The following CASK variants were observed in gnomAD, a reference collection of about 807,000 sequenced individuals.
CASK encodes the protein calcium/calmodulin dependent serine protein kinase.
A neutral mutation model predicts 82.9 loss-of-function variants in CASK; 4 were observed. The observed-to-expected ratio is 0.05, with a 90% CI of 0.02 to 0.11. CASK has a LOEUF of 0.11. Among genes scored for constraint, CASK ranks in the 10% least tolerant of loss-of-function variants. The pLI, the probability that CASK is intolerant of heterozygous loss-of-function variation, is 1.00. For synonymous variants in CASK, 259 were observed against 253.5 expected, an observed-to-expected ratio of 1.02 and a Z score of -0.20; for missense variants, 358 against 720.9, an observed-to-expected ratio of 0.50 and a Z score of 5.76.
chrX:41,877,275 A>C (rs1213538455), intron 1 of CASK, among the ~76,000 whole-genome samples: 1 of 111,266 alleles, frequency 9.0e-6, no homozygotes, highest in African/African-American at 3.3e-5. Context: ...ATTAGTTCCA[A>C]CTCTCTGGGG....
At chrX:41,894,779 C>T (rs777152867) in intron 1 of CASK, among the ~76,000 whole-genome samples, 40 of 110,900 alleles carry the variant, frequency 3.6e-4, no homozygotes, top group African/African-American at 1.2e-3. Context: ...GATGCTGGTG[C>T]TTAGATCGAA....
At chrX:41,804,720 C>A (rs938559259) in intron 2 of CASK, among the ~76,000 whole-genome samples, 1 of 111,682 alleles carries the variant, frequency 9.0e-6, no homozygotes, top group African/African-American at 3.3e-5. Context: ...ATAAAGCTCC[C>A]TGTCGAGGGT....
At chrX:41,546,369 A>G (rs1272962513) in intron 21 of CASK, among the ~76,000 whole-genome samples, 1 of 110,994 alleles carries the variant, frequency 9.0e-6, no homozygotes, top group African/African-American at 3.3e-5. Flanking sequence ...CTTGGCCTCC[A>G]AAAGTACTGG....
intron 3 of CASK, among the ~76,000 whole-genome samples, chrX:41,746,967 T>C (rs1469364785): frequency 9.0e-6 from 1 of 111,634 alleles, no homozygotes; most frequent in Non-Finnish European, 1.9e-5. Flanking sequence ...AAGGAACAAA[T>C]GCACATCTTT....
intron 12 of CASK, among the ~76,000 whole-genome samples, chrX:41,592,550 C>T (rs181199810): frequency 2.7e-5 from 3 of 111,095 alleles, no homozygotes; most frequent in East Asian, 2.8e-4. Flanking sequence ...TTCTTAAGAA[C>T]GTGTGGCCGA....
At chrX:41,829,796 G>A (rs5918256) in intron 2 of CASK, among the ~76,000 whole-genome samples, 10,613 of 67,246 alleles carry the variant, frequency 0.16, 1,136 homozygotes, top group Middle Eastern at 0.35. Flanking sequence ...TTATCAAAGT[G>A]GTTAAACTAA....
At position 41,539,163 on chromosome X, in the gene CASK, G is replaced by A. The variant is rs191545558; in HGVS notation, c.2155+3528C>T. ...AATTTACTTATGGGTCAAATTCAGC[G>A]AATAGGCTGTCACTTTATGATGGGA... On this transcript the variant is annotated intron_variant, in intron 22 of 26. Transcript: ENST00000378163. Among the ~76,000 whole-genome samples, 500 of 112,080 alleles carry A rather than the reference G, an allele frequency of 4.5e-3. 4 individuals carry two copies. Among genetic ancestry groups the A allele is most frequent in the African/African-American group, 0.016 (482 of 30,893 alleles).
intron 3 of CASK, chrX:41,786,889 T>C: frequency 3.4e-6 from 1 of 291,570 alleles, no homozygotes; most frequent in South Asian, 4.4e-5. Flanking sequence ...CTTCTACTGG[T>C]CAGAAGTTTA....
chrX:41,881,855 G>A (rs1220929776), intron 1 of CASK, among the ~76,000 whole-genome samples: 1 of 111,369 alleles, frequency 9.0e-6, no homozygotes, highest in Non-Finnish European at 1.9e-5. Flanking sequence ...ATTATAGCAA[G>A]GTAGCTACAC....
At chrX:41,776,931 T>C (rs781647720) in intron 3 of CASK, among the ~76,000 whole-genome samples, 1 of 111,952 alleles carries the variant, frequency 8.9e-6, no homozygotes, top group African/African-American at 3.2e-5. Flanking sequence ...TTGGTGGAAA[T>C]TGACAACCTC....
chrX:41,632,573 A>C (rs2066487604), intron 9 of CASK, among the ~76,000 whole-genome samples: 1 of 111,747 alleles, frequency 8.9e-6, no homozygotes, highest in African/African-American at 3.3e-5. Flanking sequence ...TTTTTATTTA[A>C]TATTAATTTA....
intron 5 of CASK, among the ~76,000 whole-genome samples, chrX:41,704,402 A>G (rs374893694): frequency 8.9e-6 from 1 of 111,997 alleles, no homozygotes; most frequent in East Asian, 2.8e-4. Flanking sequence ...TGAAAATAGA[A>G]ATGTTTTCTA....
At chrX:41,807,909 G>C (rs946249916) in intron 2 of CASK, among the ~76,000 whole-genome samples, 1 of 111,830 alleles carries the variant, frequency 8.9e-6, no homozygotes, top group Non-Finnish European at 1.9e-5. Flanking sequence ...AGGCTGGAGT[G>C]CAGTGGCATG....
At chrX:41,899,277 C>T (rs1181936840) in intron 1 of CASK, among the ~76,000 whole-genome samples, 1 of 111,315 alleles carries the variant, frequency 9.0e-6, no homozygotes, top group African/African-American at 3.3e-5. Flanking sequence ...TATCTTTTTC[C>T]ACTTCACTTC....
chrX:41,578,221 T>C, intron 15 of CASK, 119 bp downstream of exon 15: 1 of 502,981 alleles, frequency 2.0e-6, no homozygotes, highest in Non-Finnish European at 3.4e-6. Flanking sequence ...AACTGATTTC[T>C]TTAAAACTAT....
intron 1 of CASK, among the ~76,000 whole-genome samples, chrX:41,887,018 T>C (rs764806784): frequency 1.8e-5 from 2 of 110,733 alleles, no homozygotes; most frequent in South Asian, 7.7e-4. Flanking sequence ...TCAAAATATA[T>C]TGCATACTCT....
At chrX:41,539,317 C>T (rs772383353) in intron 22 of CASK, among the ~76,000 whole-genome samples, 15 of 112,090 alleles carry the variant, frequency 1.3e-4, no homozygotes, top group Admixed American at 1.3e-3. Context: ...AATTCCCAAC[C>T]TTCATTTGTA....
In CASK at chrX:41,613,250, A is replaced by G. The variant is rs531176493; in HGVS notation, c.1034-3225T>C. ...TGGTTGCCGTGTCTGTGTAGAAAGAAGTAGACATGGGAGACTTTTCATTTT... is the reference window on the plus strand; with the variant it reads ...TGGTTGCCGTGTCTGTGTAGAAAGAGGTAGACATGGGAGACTTTTCATTTT... On this transcript the variant is annotated intron_variant, in intron 11 of 26. Coordinates refer to ENST00000378163, the MANE Select transcript of CASK (RefSeq NM_001367721.1). Among the ~76,000 whole-genome samples, 411 of 109,449 alleles carry G rather than the reference A, an allele frequency of 3.8e-3. 1 individual carries two copies. The highest frequency in any genetic ancestry group is 0.013 in the African/African-American group (384 of 30,083).
chrX:41,535,102 G>C (rs1163453289), intron 22 of CASK, 129 bp from the exon 23 acceptor site: 19 of 468,857 alleles, frequency 4.1e-5, no homozygotes, highest in Non-Finnish European at 7.0e-5. Flanking sequence ...TCCAACTTAT[G>C]ATATATGGCT....
Sources: gnomAD v4.1 joint callset for allele counts (sites outside exome capture counted in the v4.1 genomes callset) on GRCh38, gnomAD v4.1.1 for gene constraint, MANE v1.5 for transcripts, NCBI Gene and HGNC (gene_info 2026-07-23, HGNC 2026-07-21) for gene names.